The following LRRC40 variants were observed in gnomAD, a reference collection of about 807,000 sequenced individuals.
The protein encoded by LRRC40 is leucine rich repeat containing 40, also known as leucine-rich repeat-containing protein 40.
Under a neutral mutation model 72.8 loss-of-function variants are expected in LRRC40, and 76 were observed. The observed-to-expected ratio is 1.04, with a 90% CI of 0.87 to 1.26. The LOEUF (loss-of-function observed/expected upper bound fraction) is 1.26, where lower values mean the gene tolerates loss of function less well. Among genes scored for constraint, LRRC40 ranks in the 50% most tolerant of loss-of-function variants. The pLI is 0.00. For missense variants in LRRC40, 684 were observed against 698.9 expected (o/e 0.98, Z 0.24); for synonymous variants, 243 against 254.2 (o/e 0.96, Z 0.42).
chr1:70,173,550 T>G (rs1405896376), intron 8 of LRRC40, 40 bp from the exon 9 acceptor site: 5 of 1,558,012 alleles, frequency 3.2e-6, no homozygotes, highest in South Asian at 1.1e-5. Flanking sequence ...AAGACATGCT[T>G]TGCAGTTTTA....
At chr1:70,185,073 C>T (rs901254305) in intron 3 of LRRC40, among the ~76,000 whole-genome samples, 159 bp from the exon 4 acceptor site, 1 of 152,096 alleles carries the variant, frequency 6.6e-6, no homozygotes, top group African/African-American at 2.4e-5. Context: ...AATATGTACT[C>T]ATTAAAATAA....
chr1:70,167,705 T>G (rs1406903508), intron 9 of LRRC40, among the ~76,000 whole-genome samples: 1 of 151,984 alleles, frequency 6.6e-6, no homozygotes, highest in African/African-American at 2.4e-5. Flanking sequence ...GCCTCCACCT[T>G]CCAGGTTCTA....
At chr1:70,188,749 C>T (rs570705896) in intron 2 of LRRC40, among the ~76,000 whole-genome samples, 11 of 152,200 alleles carry the variant, frequency 7.2e-5, no homozygotes, top group Admixed American at 3.3e-4. Flanking sequence ...GCAGAAATAA[C>T]CACTTGTTGA....
rs2100336145 is a variant in LRRC40 at position 70,191,362 on chromosome 1, T to A, written c.152-2089A>T. ...CTAAAAAGCAGTGTAATAACAAATGTCTTTTTTTGGATGGAGAAAGGTGGG... is the reference window on the plus strand; with the variant it reads ...CTAAAAAGCAGTGTAATAACAAATGACTTTTTTTGGATGGAGAAAGGTGGG... On this transcript the variant is annotated intron_variant, in intron 1 of 14. Transcript: ENST00000370952. 1.3e-5 allele frequency among the ~76,000 whole-genome samples: 2 copies of A among 152,252 alleles called. 1 individual carries two copies. Among genetic ancestry groups the A allele is most frequent in the South Asian group, 4.1e-4 (2 of 4,830 alleles).
chr1:70,151,786 T>C (rs1667499612), intron 12 of LRRC40: 1 of 152,090 alleles, frequency 6.6e-6, no homozygotes, highest in Non-Finnish European at 1.5e-5. Flanking sequence ...AAATCTCATT[T>C]ACTGTTGGAA....
intron 2 of LRRC40, among the ~76,000 whole-genome samples, chr1:70,187,706 C>T (rs1162884333): frequency 6.6e-6 from 1 of 152,016 alleles, no homozygotes; most frequent in Non-Finnish European, 1.5e-5. Context: ...TGGCGCACAC[C>T]TGTAGCCCCA....
intron 10 of LRRC40, 149 bp from the exon 11 acceptor site, chr1:70,155,945 C>G: frequency 2.3e-6 from 1 of 434,834 alleles, no homozygotes; most frequent in Non-Finnish European, 4.1e-6. Context: ...GCCACATAAT[C>G]TACCAAGCCA....
At chr1:70,195,455 A>T (rs1668586997) in intron 1 of LRRC40, among the ~76,000 whole-genome samples, 1 of 152,138 alleles carries the variant, frequency 6.6e-6, no homozygotes, top group Non-Finnish European at 1.5e-5. Context: ...GATGCTAAAC[A>T]TCATTAGTTT....
At chr1:70,187,214 A>G in intron 3 of LRRC40, 51 bp downstream of exon 3, 1 of 851,710 alleles carries the variant, frequency 1.2e-6, no homozygotes, top group Non-Finnish European at 1.9e-6. Context: ...AGAATATTAG[A>G]TTTAAACCAT....
chr1:70,171,429 T>C (rs1210354052), intron 9 of LRRC40, among the ~76,000 whole-genome samples: 1 of 151,396 alleles, frequency 6.6e-6, no homozygotes, highest in Non-Finnish European at 1.5e-5. Context: ...ATAAAATATC[T>C]GCAAATCATA....
intron 1 of LRRC40, among the ~76,000 whole-genome samples, chr1:70,196,359 G>C (rs577142897): frequency 5.3e-4 from 80 of 152,204 alleles, no homozygotes; most frequent in African/African-American, 1.7e-3. Context: ...AGACCAACCT[G>C]GGAAAAAGAG....
intron 9 of LRRC40, among the ~76,000 whole-genome samples, chr1:70,168,466 T>G (rs1245950758): frequency 6.6e-6 from 1 of 152,232 alleles, no homozygotes; most frequent in African/African-American, 2.4e-5. Flanking sequence ...ATTCCCAGCT[T>G]CACAGCCTGT....
intron 4 of LRRC40, among the ~76,000 whole-genome samples, chr1:70,182,177 A>G (rs1668260827): frequency 6.6e-6 from 1 of 151,978 alleles, no homozygotes; most frequent in Non-Finnish European, 1.5e-5. Context: ...CATAATCTAC[A>G]ACATACAACA....
intron 10 of LRRC40, among the ~76,000 whole-genome samples, chr1:70,157,008 T>C (rs1032137388): frequency 2.6e-5 from 4 of 152,196 alleles, no homozygotes; most frequent in Admixed American, 2.6e-4. Flanking sequence ...AATTAGCCAT[T>C]ATCCTTACAT....
At chr1:70,200,522 G>T (rs1236382811) in intron 1 of LRRC40, among the ~76,000 whole-genome samples, 3 of 151,976 alleles carry the variant, frequency 2.0e-5, no homozygotes, top group Non-Finnish European at 4.4e-5. Flanking sequence ...TAAATGTGAA[G>T]AGAGAGAGAA....
In LRRC40 at chr1:70,145,669, G is replaced by C; in HGVS notation, c.*131C>G. On this transcript the variant is annotated 3_prime_UTR_variant, in exon 15 of 15. Transcript: ENST00000370952. ...CCCAGGCTAATTATACCAACAGGTA[G>C]GTGATACTGGGAAACTACAAGATCA... The C allele has an allele frequency of 5.9e-6, 3 of 505,834 alleles. No homozygotes were observed. The allele number at this position is 505,834 out of a possible 1,614,324, so 31.3% of individuals were successfully genotyped here.
intron 12 of LRRC40, 87 bp from the exon 13 acceptor site, chr1:70,151,292 A>G (rs1257465821): frequency 1.5e-6 from 1 of 681,398 alleles, no homozygotes; most frequent in Non-Finnish European, 2.7e-6. Flanking sequence ...GCAGGAAAAA[A>G]AAATATGTAG....
chr1:70,203,184 T>G (rs556628289), intron 1 of LRRC40, among the ~76,000 whole-genome samples: 1 of 152,150 alleles, frequency 6.6e-6, no homozygotes, highest in Non-Finnish European at 1.5e-5. Flanking sequence ...CATGAGCTAC[T>G]ATCATTATCA....
At position 70,189,300 on chromosome 1, in the gene LRRC40, A is replaced by G. The variant is rs1387710899; in HGVS notation, c.152-27T>C. The G allele has an allele frequency of 7.3e-6, 4 of 546,024 alleles. No homozygotes were observed. The South Asian group carries it at 1.4e-4, about 18-fold the overall frequency. The allele number at this position is 546,024 out of a possible 1,614,324, so 33.8% of individuals were successfully genotyped here. On this transcript the variant is annotated intron_variant, in intron 1 of 14. Coordinates refer to ENST00000370952, the MANE Select transcript of LRRC40 (RefSeq NM_017768.5). The stretch of plus-strand genomic sequence containing the variant: ...TAGTTCCATCAGCACCACACCAGGA[A>G]AAAAAAAAAAAAAAAAAAAGATGAA...
Sources: allele counts gnomAD v4.1 joint callset (sites outside exome capture counted in the v4.1 genomes callset), GRCh38; gene constraint gnomAD v4.1.1; transcripts MANE v1.5; gene names NCBI Gene and HGNC (gene_info 2026-07-23, HGNC 2026-07-21).